Variants in CS observed in about 807,000 individuals in gnomAD.
CS encodes citrate synthase, also known as citrate synthase, mitochondrial.
Under a neutral mutation model 61.4 loss-of-function variants are expected in CS, and 13 were observed. The ratio of observed to expected loss-of-function variants is 0.21; its 90% CI spans 0.14 to 0.34. The LOEUF is 0.34. Ranked by LOEUF, CS falls within the 10% of genes least tolerant of loss-of-function variation. The probability of loss-of-function intolerance (pLI) is 1.00; values close to 1 mark genes in which losing one functional copy is unlikely to be tolerated. For synonymous variants in CS, 159 were observed against 215.2 expected (o/e 0.74, Z 2.29); for missense variants, 278 against 573.4 (o/e 0.48, Z 5.26).
rs147086028 is a variant in CS at position 56,300,197 on chromosome 12, G to C, written c.5C>G (p.Ala2Gly). ...GAGCCGGGCGGCCGCAGTAAGTAAA[G>C]CCATGGCGGGCGATCTCCGGGATCT... Reference protein sequence around the residue: MALLTAAARLLG... With the variant: MGLLTAAARLLG... Residue 2 changes from alanine (A) to glycine (G), a missense_variant, in exon 1 of 11, where the codon GCT becomes GGT. Ala to Gly is a moderately conservative substitution (Grantham distance 60). Around this residue, in one of 2 missense-constraint regions of CS, gnomAD observed 55 missense variants for 69.9 expected, o/e 0.79. Transcript: ENST00000351328. 1.2e-4 allele frequency: 181 copies of C among 1,568,544 alleles called. No individual in the cohort carries two copies. In the Middle Eastern group the frequency reaches 2.1e-3, roughly 18 times the overall value.
chr12:56,291,223 C>A, intron 1 of CS: 1 of 1,171,436 alleles, frequency 8.5e-7, no homozygotes. Context: ...CACCTACCAT[C>A]AAGTGTCAGA....
rs1187353455 is a variant in CS, at chr12:56,272,735, TAC to T, written c.*347_*348del. The stretch of plus-strand genomic sequence containing the variant: ...AGAGAAGCTAAAGCTCCAAAGTGAC[TAC>T]AGATTCTCTGCAACCGGCTTTGACC... On this transcript the variant is annotated 3_prime_UTR_variant, in exon 11 of 11. Transcript: ENST00000351328. The T allele has an allele frequency of 1.7e-5, 3 of 181,094 alleles. No homozygotes were observed. Among genetic ancestry groups the T allele is most frequent in the Non-Finnish European group, 3.5e-5 (3 of 86,460 alleles). The allele number at this position is 181,094 out of a possible 1,614,324, so 11.2% of individuals were successfully genotyped here.
chr12:56,273,131 T>A lies in CS; in HGVS notation c.1354A>T (p.Met452Leu), dbSNP rs745830524. The change falls in exon 11 of 11, where the codon ATG becomes TTG. Residue 452 changes from methionine (M) to leucine (L), a missense_variant. Around this residue, in one of 2 missense-constraint regions of CS, gnomAD observed 223 missense variants for 503.5 expected, o/e 0.44. Transcript: ENST00000351328. ...LGFPLERPKS[M>L]STEGLMKFVD... is the part of the protein sequence containing the mutation. ...AACTTCATCAGACCCTCTGTGCTCA[T>A]GGACTTGGGCCTTTCTAGAGGGAAG... 28 of 1,613,782 alleles carry A rather than the reference T, an allele frequency of 1.7e-5. No individual in the cohort carries two copies. The Admixed American group carries it at 3.8e-4, about 22-fold the overall frequency.
intron 1 of CS, among the ~76,000 whole-genome samples, chr12:56,288,405 G>T (rs888063985): frequency 5.7e-5 from 8 of 139,692 alleles, no homozygotes; most frequent in African/African-American, 2.2e-4. Context: ...AGGCTGAAGT[G>T]CAGTGGCGTG....
rs1263215038 is a variant in CS, at chr12:56,283,900, G to A, written c.202-43C>T. 2.1e-6 allele frequency: 3 copies of A among 1,442,394 alleles called. No individual in the cohort carries two copies. The African/African-American group carries it at 4.2e-5, about 20-fold the overall frequency. 89.3% of individuals were successfully genotyped at this position (1,442,394 alleles called of 1,614,324 possible). On this transcript the variant is annotated intron_variant, in intron 3 of 10. Transcript: ENST00000351328. The stretch of plus-strand genomic sequence containing the variant: ...AGAAGGAAAAAAAAAAGAGGCTGTG[G>A]CCAGTAATCAGAATGATTCAGACTA...
Position 56,271,913 on chromosome 12 carries a change from C to T in CS, c.*1171G>A. ...CTTTCTCAAAGAAAAAGAAGTAGAG[C>T]ATTCTGAGTTGCTGAAAACCTGTGC... On this transcript the variant is annotated 3_prime_UTR_variant, in exon 11 of 11. Coordinates refer to ENST00000351328, the MANE Select transcript of CS (RefSeq NM_004077.3). 1 of 456,226 alleles carries T rather than the reference C, an allele frequency of 2.2e-6. No individual in the cohort carries two copies. Among genetic ancestry groups the T allele is most frequent in the South Asian group, 1.5e-5 (1 of 64,528 alleles). 28.3% of individuals were successfully genotyped at this position (456,226 alleles called of 1,614,324 possible). A position where few individuals can be genotyped will look rare whatever the true frequency, so the allele number is the denominator to read the frequency against.
At chr12:56,281,971 G>A (rs974054281) in intron 6 of CS, among the ~76,000 whole-genome samples, 1 of 152,168 alleles carries the variant, frequency 6.6e-6, no homozygotes, top group African/African-American at 2.4e-5. Flanking sequence ...TGATTCTTCT[G>A]CCTCAGCCTC....
chr12:56,279,215 T>G (rs891917426), intron 6 of CS, among the ~76,000 whole-genome samples: 3 of 152,264 alleles, frequency 2.0e-5, no homozygotes, highest in African/African-American at 7.2e-5. Flanking sequence ...ATTAGAGGCC[T>G]AGAAGCTAGT....
In CS at chr12:56,274,596, T is replaced by C. The variant is rs117863049; in HGVS notation, c.1020+181A>G. On this transcript the variant is annotated intron_variant, in intron 9 of 10. Transcript: ENST00000351328. ...CTCTTGCCTCAGCCTCCCAAGTAGG[T>C]GGGACTACAGGTGCATGCCATTGTG... The C allele has an allele frequency of 1.1e-3, 576 of 524,734 alleles. 14 individuals carry two copies. The East Asian group carries it at 0.019, about 17-fold the overall frequency. 32.5% of individuals were successfully genotyped at this position (524,734 alleles called of 1,614,324 possible).
chr12:56,295,711 G>T (rs2695778), intron 1 of CS, among the ~76,000 whole-genome samples: 141,533 of 151,660 alleles, frequency 0.93, 66,756 homozygotes, highest in East Asian at 1. Context: ...TCCCAGCACT[G>T]TGGGAGGTGG....
intron 1 of CS, among the ~76,000 whole-genome samples, chr12:56,287,949 T>C (rs1287000140): frequency 6.6e-6 from 1 of 152,158 alleles, no homozygotes. Flanking sequence ...TAAGCCACCA[T>C]GCCAGGCCAT....
At chr12:56,282,645 G>T in intron 5 of CS, 37 bp from the exon 6 acceptor site, 1 of 1,559,060 alleles carries the variant, frequency 6.4e-7, no homozygotes, top group Non-Finnish European at 8.7e-7. Context: ...ACACCAGCAA[G>T]GACAAGGAAG....
At chr12:56,283,664 G>A in intron 4 of CS, 128 bp downstream of exon 4, 1 of 659,906 alleles carries the variant, frequency 1.5e-6, no homozygotes, top group Non-Finnish European at 2.7e-6. Flanking sequence ...CCATACATAT[G>A]TCTTCTCTAC....
At chr12:56,285,291 G>T (rs908386744) in intron 3 of CS, 1 of 438,738 alleles carries the variant, frequency 2.3e-6, no homozygotes, top group Non-Finnish European at 4.6e-6. Context: ...CTTTCTTTTT[G>T]TTTGTTTTGG....
At chr12:56,293,445 G>A (rs906752705) in intron 1 of CS, among the ~76,000 whole-genome samples, 18 of 152,138 alleles carry the variant, frequency 1.2e-4, no homozygotes, top group Non-Finnish European at 1.5e-5. Flanking sequence ...GGCTGGACAC[G>A]GTGGCTCACG....
chr12:56,273,820 T>C (rs17118439), intron 9 of CS, 24 bp from the exon 10 acceptor site: 92,924 of 1,572,794 alleles, frequency 0.059, 3,083 homozygotes, highest in Non-Finnish European at 0.067. Context: ...GGAAAAAAGA[T>C]AGTATTCTCA....
At position 56,273,583 on chromosome 12, in the gene CS, T is replaced by G; in HGVS notation, c.1230+4A>C. On this transcript the variant is annotated splice_donor_region_variant and intron_variant, in intron 10 of 10. Transcript: ENST00000351328. The stretch of plus-strand genomic sequence containing the variant: ...AGAGGGAAAAGAGGGAAAGGAGGAC[T>G]TACCTGGAGCAGCACCCCACTGTGA... The G allele has an allele frequency of 1.2e-6, 2 of 1,613,764 alleles. No homozygotes were observed. The highest frequency in any genetic ancestry group is 1.7e-6 in the Non-Finnish European group (2 of 1,179,712).
chr12:56,285,800 C>A, intron 3 of CS, 116 bp downstream of exon 3: 1 of 817,652 alleles, frequency 1.2e-6, no homozygotes, highest in South Asian at 1.5e-5. Flanking sequence ...CATCCTAAAG[C>A]TGTCCTACAG....
At chr12:56,292,547 G>A (rs574886333) in intron 1 of CS, among the ~76,000 whole-genome samples, 1 of 151,530 alleles carries the variant, frequency 6.6e-6, no homozygotes, top group African/African-American at 2.4e-5. Flanking sequence ...GTGTACTCTC[G>A]TGGCAAAACT....
Sources: gnomAD v4.1 joint callset for allele counts (sites outside exome capture counted in the v4.1 genomes callset) on GRCh38, gnomAD v4.1.1 for gene constraint, gnomAD v4.1.1 regional missense constraint, MANE v1.5 for transcripts, NCBI Gene and HGNC (gene_info 2026-07-23, HGNC 2026-07-21) for gene names.